Variants in YAP1 observed in about 807,000 individuals in gnomAD.
YAP1 encodes the protein transcriptional coactivator YAP1.
YAP1 carries 5 observed loss-of-function variants against 56.9 expected under a neutral mutation model. The observed-to-expected ratio is 0.09, with a 90% CI of 0.05 to 0.18. The LOEUF (loss-of-function observed/expected upper bound fraction) is 0.18, where lower values mean the gene tolerates loss of function less well. Ranked by LOEUF, YAP1 falls within the 10% of genes least tolerant of loss-of-function variation. YAP1 has a pLI of 1.00. For synonymous variants in YAP1, 265 were observed against 248.1 expected (o/e 1.07, Z -0.64); for missense variants, 539 against 651.8 (o/e 0.83, Z 1.88).
chr11:102,229,943 C>T lies in YAP1; in HGVS notation c.*3C>T. The stretch of plus-strand genomic sequence containing the variant: ...AAAGCTTTCTTACATGGTTATAGAG[C>T]CCTCAGGCAGACTGAATTCTAAATC... On this transcript the variant is annotated 3_prime_UTR_variant, in exon 9 of 9. Coordinates refer to ENST00000282441, the MANE Select transcript of YAP1 (RefSeq NM_001130145.3). The T allele has an allele frequency of 6.2e-7, 1 of 1,610,692 alleles. No homozygotes were observed. The highest frequency in any genetic ancestry group is 8.5e-7 in the Non-Finnish European group (1 of 1,177,046).
At chr11:102,167,601 G>A (rs1047158212) in intron 3 of YAP1, among the ~76,000 whole-genome samples, 4 of 152,160 alleles carry the variant, frequency 2.6e-5, no homozygotes, top group Non-Finnish European at 5.9e-5. Context: ...AGCATTGGTG[G>A]TGCACGCCTG....
Position 102,179,229 on chromosome 11 carries a change from G to A in YAP1, c.689-6789G>A, listed in dbSNP as rs570987366. Among the ~76,000 whole-genome samples the A allele has an allele frequency of 2.0e-5, 3 of 152,022 alleles. No homozygotes were observed. In the South Asian group the frequency reaches 6.2e-4, roughly 32 times the overall value. ...AGGGCCTACTTTTAATCTTTTCTTC[G>A]AAAGAAGACTTTGGTATTGGTGGTC... On this transcript the variant is annotated intron_variant, in intron 3 of 8. Transcript: ENST00000282441.
At chr11:102,129,702 A>C (rs1472839697) in intron 2 of YAP1, among the ~76,000 whole-genome samples, 1 of 151,424 alleles carries the variant, frequency 6.6e-6, no homozygotes, top group Non-Finnish European at 1.5e-5. Context: ...TCTCAAGTTG[A>C]ATTTCTCCAG....
intron 2 of YAP1, among the ~76,000 whole-genome samples, chr11:102,148,418 A>G (rs1240612048): frequency 6.6e-6 from 1 of 152,182 alleles, no homozygotes. Context: ...ATAGACAAGA[A>G]CTGAAAAAAA....
chr11:102,140,941 GAA>G (rs1033407581), intron 2 of YAP1, among the ~76,000 whole-genome samples: 12 of 152,120 alleles, frequency 7.9e-5, no homozygotes, highest in African/African-American at 2.4e-4. Context: ...ACAACTGAGA[GAA>G]ATTTTCTAGT....
chr11:102,201,570 TAAG>T (rs765101387), intron 4 of YAP1, among the ~76,000 whole-genome samples: 27 of 152,268 alleles, frequency 1.8e-4, no homozygotes, highest in African/African-American at 2.9e-4. Flanking sequence ...TGGAATATCT[TAAG>T]GAGATAAAAT....
At chr11:102,117,745 A>G (rs1172094621) in intron 2 of YAP1, among the ~76,000 whole-genome samples, 5 of 152,216 alleles carry the variant, frequency 3.3e-5, no homozygotes. Context: ...AAGCTCTGGG[A>G]TGAATGTGAA....
chr11:102,179,056 G>A (rs1003005766), intron 3 of YAP1, among the ~76,000 whole-genome samples: 1 of 35,374 alleles, frequency 2.8e-5, no homozygotes, highest in African/African-American at 1.1e-4. Flanking sequence ...CCCCCACCCC[G>A]TGACCCAGTC....
intron 3 of YAP1, among the ~76,000 whole-genome samples, chr11:102,168,559 A>AT (rs1401326081): frequency 6.6e-6 from 1 of 152,190 alleles, no homozygotes; most frequent in Non-Finnish European, 1.5e-5. Context: ...GCACTTTCAG[A>AT]TTTCTCTATT....
intron 5 of YAP1, 104 bp downstream of exon 5, chr11:102,206,178 C>A: frequency 7.4e-7 from 1 of 1,353,940 alleles, no homozygotes; most frequent in Non-Finnish European, 1.0e-6. Flanking sequence ...GGAATGTTGT[C>A]TTTGTAAAAC....
rs1299184117 is a variant in YAP1, at chr11:102,233,067, A to G, written c.*3127A>G. 1 of 152,228 alleles carries G rather than the reference A, an allele frequency of 6.6e-6. No individual in the cohort carries two copies. The highest frequency in any genetic ancestry group is 2.4e-5 in the African/African-American group (1 of 41,464). The allele number at this position is 152,228 out of a possible 1,614,324, so 9.4% of individuals were successfully genotyped here. On this transcript the variant is annotated 3_prime_UTR_variant, in exon 9 of 9. Transcript: ENST00000282441. ...TCAAACATTGCAAAAGTGGGTGGCA[A>G]TATTCAGTGCTTAACACTTTTCTAG...
chr11:102,130,431 C>T (rs565011936), intron 2 of YAP1, among the ~76,000 whole-genome samples: 1 of 152,022 alleles, frequency 6.6e-6, no homozygotes, highest in African/African-American at 2.4e-5. Context: ...TTGACAGGCT[C>T]TCATTCCAGT....
intron 2 of YAP1, among the ~76,000 whole-genome samples, chr11:102,153,876 C>A (rs1945800534): frequency 6.6e-6 from 1 of 151,958 alleles, no homozygotes. Context: ...ATCTGTAAGA[C>A]CTAGAAACCT....
chr11:102,205,327 A>G (rs1316080047), intron 4 of YAP1, among the ~76,000 whole-genome samples: 2 of 152,050 alleles, frequency 1.3e-5, no homozygotes, highest in Non-Finnish European at 2.9e-5. Flanking sequence ...AGGGCTGATT[A>G]TTTTGATGGG....
rs774451367 is a variant in YAP1 at position 102,170,206 on chromosome 11, GTTGT to G, written c.688+7638_688+7641del. ...CGTCTCCACTGGGAATCACTCTGAT[GTTGT>G]TTAATTCCAGTCATGATTTTTACAG... On this transcript the variant is annotated intron_variant, in intron 3 of 8. Coordinates refer to ENST00000282441, the MANE Select transcript of YAP1 (RefSeq NM_001130145.3). Among the ~76,000 whole-genome samples, 3 of 152,276 alleles carry G rather than the reference GTTGT, an allele frequency of 2.0e-5. No individual in the cohort carries two copies. In the South Asian group the frequency reaches 6.2e-4, roughly 32 times the overall value.
intron 1 of YAP1, 46 bp from the exon 2 acceptor site, chr11:102,114,098 T>C: frequency 1.3e-6 from 2 of 1,548,022 alleles, no homozygotes; most frequent in Non-Finnish European, 8.8e-7. Context: ...AGGGACTCAG[T>C]TGTGTTTTTT....
intron 2 of YAP1, among the ~76,000 whole-genome samples, chr11:102,159,903 G>A (rs1434194279): frequency 6.6e-6 from 1 of 152,016 alleles, no homozygotes; most frequent in Admixed American, 6.6e-5. Context: ...GGGCCAGTTG[G>A]GGAAAAGATT....
chr11:102,120,463 G>A (rs1020189469), intron 2 of YAP1, among the ~76,000 whole-genome samples: 2 of 152,180 alleles, frequency 1.3e-5, no homozygotes, highest in African/African-American at 4.8e-5. Context: ...TATTATTTGG[G>A]TTTTCTTCTA....
chr11:102,168,249 T>A (rs1282010553), intron 3 of YAP1, among the ~76,000 whole-genome samples: 2 of 152,174 alleles, frequency 1.3e-5, no homozygotes, highest in Non-Finnish European at 2.9e-5. Context: ...TTTTAAATAG[T>A]GTACTTGTTA....
Sources: allele counts gnomAD v4.1 joint callset (sites outside exome capture counted in the v4.1 genomes callset), GRCh38; gene constraint gnomAD v4.1.1; transcripts MANE v1.5; gene names NCBI Gene and HGNC (gene_info 2026-07-23, HGNC 2026-07-21).